NEK10: variants seen among roughly 807,000 people sequenced by gnomAD.
NEK10 encodes serine/threonine-protein kinase Nek10.
In NEK10, 122 loss-of-function variants were observed where a neutral mutation model predicts 159.8. The observed-to-expected ratio is 0.76, with a 90% CI of 0.66 to 0.89. The LOEUF is 0.89. Among genes scored for constraint, NEK10 ranks in the 40% least tolerant of loss-of-function variants. The probability of loss-of-function intolerance (pLI) is 0.00; values close to 1 mark genes in which losing one functional copy is unlikely to be tolerated. For synonymous variants in NEK10, 466 were observed against 457.1 expected (o/e 1.02, Z -0.25); for missense variants, 1,342 against 1,323.1 (o/e 1.01, Z -0.22).
intron 30 of NEK10, among the ~76,000 whole-genome samples, chr3:27,158,696 G>T (rs571609442): frequency 1.4e-4 from 22 of 152,204 alleles, no homozygotes; most frequent in Admixed American, 1.4e-3. Context: ...GCAAGGGAGG[G>T]GAAAATGTCA....
In NEK10 at chr3:27,262,994, GT is replaced by G. The variant is rs1156703237; in HGVS notation, c.2015-6624del. Among the ~76,000 whole-genome samples the G allele has an allele frequency of 2.0e-5, 3 of 152,278 alleles. No homozygotes were observed. In the East Asian group the frequency reaches 5.8e-4, roughly 29 times the overall value. On this transcript the variant is annotated intron_variant, in intron 22 of 35. Transcript: ENST00000691995. ...TTGATGATGGTGACGTACAGATGGG[GT>G]TTTGGTGTGGATGTCCTGTTTGTTA...
intron 23 of NEK10, among the ~76,000 whole-genome samples, chr3:27,239,128 A>G (rs1954281588): frequency 6.6e-6 from 1 of 152,144 alleles, no homozygotes; most frequent in African/African-American, 2.4e-5. Flanking sequence ...GAAAGGGGCC[A>G]ATCTCCCATT....
At chr3:27,201,243 T>C (rs1224917051) in intron 25 of NEK10, among the ~76,000 whole-genome samples, 2 of 152,220 alleles carry the variant, frequency 1.3e-5, no homozygotes, top group Non-Finnish European at 2.9e-5. Flanking sequence ...CTTACCCACA[T>C]ATCATAATGT....
intron 20 of NEK10, among the ~76,000 whole-genome samples, chr3:27,286,350 T>C (rs1439945951): frequency 1.3e-5 from 2 of 151,500 alleles, no homozygotes; most frequent in Non-Finnish European, 2.9e-5. Context: ...CCTCCCAAAG[T>C]GGTGGGATTA....
At chr3:27,166,986 G>A (rs1423948123) in intron 29 of NEK10, among the ~76,000 whole-genome samples, 7 of 151,966 alleles carry the variant, frequency 4.6e-5, no homozygotes, top group African/African-American at 1.7e-4. Context: ...AGACTTAGGA[G>A]CACACTGCCA....
chr3:27,275,490 C>A lies in NEK10; in HGVS notation c.2014+9112G>T, dbSNP rs186133742. Among the ~76,000 whole-genome samples the A allele has an allele frequency of 2.8e-4, 42 of 152,308 alleles. 1 individual carries two copies. The East Asian group carries it at 8.1e-3, about 29-fold the overall frequency. On this transcript the variant is annotated intron_variant, in intron 22 of 35. Coordinates refer to ENST00000691995, the MANE Select transcript of NEK10 (RefSeq NM_001394966.1). ...CAACAGTTGCTATGAGGGTATTTAA[C>A]ACAAGTGGCTCAATATTCTGTAGTC... is the stretch of plus-strand genomic sequence containing the variant.
chr3:27,161,585 T>A (rs555885428), intron 30 of NEK10, among the ~76,000 whole-genome samples: 15 of 152,338 alleles, frequency 9.8e-5, no homozygotes, highest in African/African-American at 2.9e-4. Context: ...AAAAGCATAA[T>A]CATCAAACTT....
chr3:27,343,905 C>T (rs1269914683), intron 5 of NEK10, among the ~76,000 whole-genome samples: 1 of 152,218 alleles, frequency 6.6e-6, no homozygotes, highest in East Asian at 1.9e-4. Context: ...CTTGCGCAGT[C>T]CATTTAATCA....
chr3:27,364,843 A>G (rs543224970), intron 1 of NEK10, among the ~76,000 whole-genome samples: 2 of 152,224 alleles, frequency 1.3e-5, no homozygotes, highest in Non-Finnish European at 2.9e-5. Flanking sequence ...AAACATTTAC[A>G]TGGTAGTGCC....
chr3:27,236,275 T>A (rs1345808291), intron 23 of NEK10, among the ~76,000 whole-genome samples: 2 of 152,130 alleles, frequency 1.3e-5, no homozygotes, highest in Non-Finnish European at 2.9e-5. Flanking sequence ...CCTGCACATG[T>A]ACACCTGAAC....
Position 27,110,226 on chromosome 3 carries a change from G to A in NEK10, c.*1046C>T, listed in dbSNP as rs1939376277. Reference sequence around the variant, plus strand: ...ACACCAGAGTTTTAAGAAGCTGATTGAAGAGAAGGAGTTTAAGCCCAGTGA... The same window carrying A: ...ACACCAGAGTTTTAAGAAGCTGATTAAAGAGAAGGAGTTTAAGCCCAGTGA... On this transcript the variant is annotated 3_prime_UTR_variant, in exon 36 of 36. Coordinates refer to ENST00000691995, the MANE Select transcript of NEK10 (RefSeq NM_001394966.1). 1 of 141,832 alleles carries A rather than the reference G, an allele frequency of 7.1e-6. No homozygotes were observed. Among genetic ancestry groups the A allele is most frequent in the East Asian group, 1.9e-4 (1 of 5,132 alleles). The allele number at this position is 141,832 out of a possible 1,614,324, so 8.8% of individuals were successfully genotyped here.
intron 29 of NEK10, among the ~76,000 whole-genome samples, chr3:27,169,886 GCTCT>G (rs148153773): frequency 6.6e-6 from 1 of 151,892 alleles, no homozygotes; most frequent in Admixed American, 6.6e-5. Flanking sequence ...GGCCAATCTG[GCTCT>G]CTCTCTCTCA....
chr3:27,319,113 G>T (rs769042018), intron 6 of NEK10, among the ~76,000 whole-genome samples: 1 of 152,042 alleles, frequency 6.6e-6, no homozygotes. Flanking sequence ...CTACTCAATC[G>T]CACTATTTTT....
chr3:27,238,270 G>A (rs973169598), intron 23 of NEK10, among the ~76,000 whole-genome samples: 1 of 152,124 alleles, frequency 6.6e-6, no homozygotes, highest in Non-Finnish European at 1.5e-5. Flanking sequence ...CTATAGAAAA[G>A]CACTCATTAA....
rs891656233 is a variant in NEK10, at chr3:27,215,031, C to T, written c.2091-12474G>A. The T allele has an allele frequency of 3.2e-5, 19 of 595,716 alleles. No homozygotes were observed. The East Asian group carries it at 5.1e-4, about 16-fold the overall frequency. The allele number at this position is 595,716 out of a possible 1,614,324, so 36.9% of individuals were successfully genotyped here. On this transcript the variant is annotated intron_variant, in intron 23 of 35. Coordinates refer to ENST00000691995, the MANE Select transcript of NEK10 (RefSeq NM_001394966.1). Reference sequence around the variant, plus strand: ...GCTCCAACTCCGACCTGTTCCCCACCGGCGCCTCCAGCTTTCCTCTTGGCC... The same window carrying T: ...GCTCCAACTCCGACCTGTTCCCCACTGGCGCCTCCAGCTTTCCTCTTGGCC...
At chr3:27,269,032 CAA>C (rs2041127616) in intron 22 of NEK10, among the ~76,000 whole-genome samples, 1 of 152,152 alleles carries the variant, frequency 6.6e-6, no homozygotes, top group Admixed American at 6.5e-5. Flanking sequence ...GTGGAAATAA[CAA>C]GAGAACTAGA....
intron 12 of NEK10, among the ~76,000 whole-genome samples, chr3:27,304,010 T>C (rs2044039210): frequency 6.6e-6 from 1 of 152,236 alleles, no homozygotes; most frequent in African/African-American, 2.4e-5. Context: ...CAAGATATTA[T>C]TATTAAATAC....
intron 5 of NEK10, among the ~76,000 whole-genome samples, chr3:27,334,919 A>G (rs557819255): frequency 1.6e-3 from 243 of 152,356 alleles, no homozygotes; most frequent in African/African-American, 5.4e-3. Flanking sequence ...ATCATGGAAA[A>G]AGAATTCAAA....
chr3:27,202,755 T>G (rs1035185925), intron 23 of NEK10, among the ~76,000 whole-genome samples, 198 bp from the exon 24 acceptor site: 15 of 152,204 alleles, frequency 9.9e-5, no homozygotes, highest in Non-Finnish European at 2.1e-4. Flanking sequence ...CAATTCCAGC[T>G]TAAGCACTAA....
Sources: gnomAD v4.1 joint callset for allele counts (sites outside exome capture counted in the v4.1 genomes callset) on GRCh38, gnomAD v4.1.1 for gene constraint, MANE v1.5 for transcripts, NCBI Gene and HGNC (gene_info 2026-07-23, HGNC 2026-07-21) for gene names.